WDR59: variants seen among roughly 807,000 people sequenced by gnomAD.
The protein encoded by WDR59 is GATOR2 complex protein WDR59.
A neutral mutation model predicts 131.2 loss-of-function variants in WDR59; 100 were observed. That is an observed-to-expected ratio of 0.76 (90% CI 0.65 to 0.90). The LOEUF (loss-of-function observed/expected upper bound fraction) is 0.90. WDR59 is among the 40% of genes least tolerant of loss of function. The pLI is 0.00. For missense variants in WDR59, 1,203 were observed against 1,262.2 expected, an observed-to-expected ratio of 0.95 and a Z score of 0.71; for synonymous variants, 601 against 466.2, an observed-to-expected ratio of 1.29 and a Z score of -3.72.
intron 13 of WDR59, among the ~76,000 whole-genome samples, chr16:74,912,715 A>C (rs1966160853): frequency 6.6e-6 from 1 of 152,204 alleles, no homozygotes; most frequent in African/African-American, 2.4e-5. Flanking sequence ...CCTTGAACAA[A>C]GATTTACCCA....
chr16:74,943,716 G>C (rs1259020456), intron 6 of WDR59, among the ~76,000 whole-genome samples: 1 of 152,122 alleles, frequency 6.6e-6, no homozygotes, highest in African/African-American at 2.4e-5. Context: ...CCTCTGCCTG[G>C]TGTTTATTAC....
intron 8 of WDR59, among the ~76,000 whole-genome samples, chr16:74,932,795 G>A (rs1168924583): frequency 2.0e-5 from 3 of 152,116 alleles, no homozygotes; most frequent in African/African-American, 7.2e-5. Context: ...AGTCTTGATT[G>A]TTTATTGATT....
intron 18 of WDR59, among the ~76,000 whole-genome samples, chr16:74,896,479 A>G (rs896189812): frequency 1.3e-5 from 2 of 152,118 alleles, no homozygotes; most frequent in African/African-American, 4.8e-5. Context: ...TACAAAATAT[A>G]CAAAAATTAG....
In WDR59 at chr16:74,892,523, G is replaced by A. The variant is rs77949195; in HGVS notation, c.2043C>T (p.Ala681=). Residue 681 remains alanine (A), a synonymous_variant, in exon 20 of 26, where the codon GCC becomes GCT. Coordinates refer to ENST00000262144, the MANE Select transcript of WDR59 (RefSeq NM_030581.4). ...TTCTTCCAACGAGCAAGGCAGAGGC[G>A]GCATTCTTCTGACATGTTTCCTGAA... is the stretch of plus-strand genomic sequence containing the variant. The part of the protein sequence containing the change: ...NDIQETCQKN[A]ASALLVGRKD... 2.2e-3 allele frequency: 3,578 copies of A among 1,613,708 alleles called. 75 individuals carry two copies. In the African/African-American group the frequency reaches 0.042, roughly 19 times the overall value.
intron 13 of WDR59, among the ~76,000 whole-genome samples, chr16:74,914,696 C>T (rs957550093): frequency 3.3e-5 from 5 of 151,516 alleles, no homozygotes; most frequent in African/African-American, 9.7e-5. Flanking sequence ...TGGGTTCAAG[C>T]GATTCTCCTG....
intron 18 of WDR59, among the ~76,000 whole-genome samples, chr16:74,900,500 T>C (rs540176467): frequency 6.6e-6 from 1 of 152,002 alleles, no homozygotes; most frequent in South Asian, 2.1e-4. Context: ...GAGTGGGAGG[T>C]TGCAACAATG....
At position 74,968,170 on chromosome 16, in the gene WDR59, C is replaced by T. The variant is rs117764348; in HGVS notation, c.55-2348G>A. ...GAGTTACTGTTTAATGGGTACAGAG[C>T]TCCTATTTGGGATGATGAAAATTTA... On this transcript the variant is annotated intron_variant, in intron 1 of 25. Transcript: ENST00000262144. Among the ~76,000 whole-genome samples, 1,230 of 152,216 alleles carry T rather than the reference C, an allele frequency of 8.1e-3. 5 individuals carry two copies. The highest frequency in any genetic ancestry group is 0.013 in the Non-Finnish European group (911 of 68,022).
intron 6 of WDR59, among the ~76,000 whole-genome samples, chr16:74,945,199 G>C (rs550436133): frequency 1.2e-4 from 19 of 152,112 alleles, no homozygotes; most frequent in African/African-American, 3.9e-4. Flanking sequence ...AAATGTGGCC[G>C]GGCGAAGAGG....
intron 25 of WDR59, among the ~76,000 whole-genome samples, chr16:74,878,521 C>T (rs992484630): frequency 1.6e-4 from 25 of 152,020 alleles, no homozygotes; most frequent in Non-Finnish European, 1.8e-4. Flanking sequence ...GGCGTGACGG[C>T]GCACACCTGT....
At position 74,889,685 on chromosome 16, in the gene WDR59, T is replaced by G. The variant is rs1169150662; in HGVS notation, c.2195+18A>C. The G allele has an allele frequency of 6.2e-7, 1 of 1,602,750 alleles. No individual in the cohort carries two copies. Among genetic ancestry groups the G allele is most frequent in the Non-Finnish European group, 8.5e-7 (1 of 1,173,884 alleles). ...TGGACATCACTCATTTTTCTCATTTTTAGCTCTCAAAACCTACAGGGACTC... is the reference window on the plus strand; with the variant it reads ...TGGACATCACTCATTTTTCTCATTTGTAGCTCTCAAAACCTACAGGGACTC... On this transcript the variant is annotated intron_variant, in intron 21 of 25. Coordinates refer to ENST00000262144, the MANE Select transcript of WDR59 (RefSeq NM_030581.4).
chr16:74,882,807 C>CAAAAAAA (rs569507124), intron 25 of WDR59, among the ~76,000 whole-genome samples: 105 of 51,344 alleles, frequency 2.0e-3, no homozygotes, highest in African/African-American at 2.6e-3. Context: ...AACACTGTCT[C>CAAAAAAA]AAAAAAAAAA....
intron 15 of WDR59, 24 bp downstream of exon 15, chr16:74,909,798 G>C: frequency 6.2e-7 from 1 of 1,604,052 alleles, no homozygotes. Context: ...GCCTAAGTTG[G>C]TATGACAGTT....
At chr16:74,981,547 G>C (rs2034403415) in intron 1 of WDR59, among the ~76,000 whole-genome samples, 2 of 144,424 alleles carry the variant, frequency 1.4e-5, no homozygotes, top group Non-Finnish European at 3.0e-5. Context: ...GACAGAGCAA[G>C]ACCCTGTCTT....
intron 2 of WDR59, among the ~76,000 whole-genome samples, chr16:74,960,063 C>T (rs1301391966): frequency 6.6e-6 from 1 of 152,010 alleles, no homozygotes; most frequent in African/African-American, 2.4e-5. Flanking sequence ...GGCGCAGTGG[C>T]TCACACCTGT....
intron 1 of WDR59, among the ~76,000 whole-genome samples, chr16:74,971,724 CA>C (rs1031878241): frequency 6.6e-6 from 1 of 151,956 alleles, no homozygotes. Context: ...TGAGCCACAG[CA>C]CCCAGCCTCT....
rs561764656 is a variant in WDR59, at chr16:74,934,958, G to T, written c.651+3192C>A. Among the ~76,000 whole-genome samples the T allele has an allele frequency of 3.9e-5, 6 of 152,266 alleles. No individual in the cohort carries two copies. The East Asian group carries it at 1.2e-3, about 29-fold the overall frequency. On this transcript the variant is annotated intron_variant, in intron 8 of 25. Transcript: ENST00000262144. Reference sequence around the variant, plus strand: ...AATGTAGCAAGGGTGGTCGGGCATGGTGGCTCATGCCTATAATCCCAGCAC... The same window carrying T: ...AATGTAGCAAGGGTGGTCGGGCATGTTGGCTCATGCCTATAATCCCAGCAC...
chr16:74,881,075 C>T (rs548097873), intron 25 of WDR59, among the ~76,000 whole-genome samples: 14 of 152,262 alleles, frequency 9.2e-5, no homozygotes, highest in Admixed American at 2.0e-4. Context: ...TAAGACCAAG[C>T]GCATCATATA....
chr16:74,934,482 C>T (rs890290285), intron 8 of WDR59, among the ~76,000 whole-genome samples: 3 of 152,078 alleles, frequency 2.0e-5, no homozygotes, highest in Admixed American at 6.6e-5. Flanking sequence ...TCTTATAAAA[C>T]GATTATATGT....
rs77010013 is a variant in WDR59, at chr16:74,920,397, A to T, written c.886+1550T>A. Among the ~76,000 whole-genome samples the T allele has an allele frequency of 3.1e-3, 470 of 151,738 alleles. 1 individual carries two copies. The highest frequency in any genetic ancestry group is 0.011 in the African/African-American group (440 of 41,416). On this transcript the variant is annotated intron_variant, in intron 10 of 25. Coordinates refer to ENST00000262144, the MANE Select transcript of WDR59 (RefSeq NM_030581.4). ...GATGTTCAGTGGGTTAGGTGGGTTA[A>T]ATATATATATATATTTTTTCTTTTG...
Sources: allele counts gnomAD v4.1 joint callset (sites outside exome capture counted in the v4.1 genomes callset), GRCh38; gene constraint gnomAD v4.1.1; transcripts MANE v1.5; gene names NCBI Gene and HGNC (gene_info 2026-07-23, HGNC 2026-07-21).